TMEM135: variants seen among roughly 807,000 people sequenced by gnomAD.
TMEM135 encodes the protein peroxisomal membrane protein 52.
In TMEM135, 30 loss-of-function variants were observed where a neutral mutation model predicts 60.3. The ratio of observed to expected loss-of-function variants is 0.50; its 90% confidence interval spans 0.37 to 0.68. The LOEUF is 0.68. Among genes scored for constraint, TMEM135 ranks in the 30% least tolerant of loss-of-function variants. The pLI, the probability that TMEM135 is intolerant of heterozygous loss-of-function variation, is 0.00. For synonymous variants in TMEM135, 190 were observed against 186.7 expected, an observed-to-expected ratio of 1.02 and a Z score of -0.14; for missense variants, 468 against 548.8, an observed-to-expected ratio of 0.85 and a Z score of 1.47.
intron 6 of TMEM135, among the ~76,000 whole-genome samples, chr11:87,260,119 T>C: frequency 6.6e-6 from 1 of 152,208 alleles, no homozygotes. Flanking sequence ...TTGAGCTCTT[T>C]GGGCATGTTC....
chr11:87,067,560 A>G lies in TMEM135; in HGVS notation c.142-134A>G, dbSNP rs1234143668. 6 of 1,164,978 alleles carry G rather than the reference A, an allele frequency of 5.2e-6. No homozygotes were observed. In the Admixed American group the frequency reaches 6.6e-5, roughly 13 times the overall value. 72.2% of individuals were successfully genotyped at this position (1,164,978 alleles called of 1,614,324 possible). On this transcript the variant is annotated intron_variant, in intron 1 of 14. Coordinates refer to ENST00000305494, the MANE Select transcript of TMEM135 (RefSeq NM_022918.4). The stretch of plus-strand genomic sequence containing the variant: ...TCTATCCTGAACATTGTATTTTTAT[A>G]GAAGATCCAGTGAAATGCCAGCATT...
intron 3 of TMEM135, among the ~76,000 whole-genome samples, chr11:87,077,106 A>G (rs1004426465): frequency 4.6e-5 from 7 of 152,374 alleles, no homozygotes; most frequent in African/African-American, 1.7e-4. Context: ...ACTACCAAGG[A>G]TTGCCCTTGA....
intron 4 of TMEM135, chr11:87,121,176 C>T (rs1269397404): frequency 2.0e-5 from 3 of 152,190 alleles, no homozygotes; most frequent in Admixed American, 6.5e-5. Context: ...AGAGAATTCT[C>T]ACCTGAGGGA....
At chr11:87,072,628 G>T (rs1014876447) in intron 3 of TMEM135, among the ~76,000 whole-genome samples, 1 of 151,894 alleles carries the variant, frequency 6.6e-6, no homozygotes, top group Non-Finnish European at 1.5e-5. Context: ...TGATCCGCCC[G>T]CCTTGGCCTC....
At chr11:87,128,510 T>A (rs1937803393) in intron 4 of TMEM135, among the ~76,000 whole-genome samples, 1 of 152,168 alleles carries the variant, frequency 6.6e-6, no homozygotes, top group Admixed American at 6.5e-5. Flanking sequence ...GCTATATGTA[T>A]GGTACCATTA....
At chr11:87,224,813 G>A (rs1376874030) in intron 5 of TMEM135, among the ~76,000 whole-genome samples, 2 of 149,838 alleles carry the variant, frequency 1.3e-5, no homozygotes, top group African/African-American at 4.9e-5. Context: ...GCAGCATTAG[G>A]ATAAAGAATG....
At position 87,309,607 on chromosome 11, in the gene TMEM135, C is replaced by G. The variant is rs267603228; in HGVS notation, c.871C>G (p.Leu291Val). The G allele has an allele frequency of 1.9e-6, 3 of 1,613,776 alleles. No individual in the cohort carries two copies. Among genetic ancestry groups the G allele is most frequent in the African/African-American group, 1.3e-5 (1 of 74,922 alleles). The part of the protein sequence containing the change: ...LFTQPSRLLS[L>V]FYNKENFQLG... ...TACACAGCCATCTCGGCTACTTTCTCTCTTCTACAATAAAGAAAACTTCCA... is the reference window on the plus strand; with the variant it reads ...TACACAGCCATCTCGGCTACTTTCTGTCTTCTACAATAAAGAAAACTTCCA... Residue 291 changes from leucine (L) to valine (V), a missense_variant, in exon 10 of 15, where the codon CTC (leucine) becomes GTC (valine). By Grantham distance (32) the Leu-to-Val change is conservative. Coordinates refer to ENST00000305494, the MANE Select transcript of TMEM135 (RefSeq NM_022918.4).
chr11:87,193,368 A>G (rs1034007581), intron 5 of TMEM135, among the ~76,000 whole-genome samples: 6 of 152,236 alleles, frequency 3.9e-5, no homozygotes, highest in African/African-American at 1.4e-4. Flanking sequence ...AGATTAAGAT[A>G]CAGATTGTTA....
intron 5 of TMEM135, among the ~76,000 whole-genome samples, chr11:87,197,012 G>T (rs955993955): frequency 2.0e-5 from 3 of 151,610 alleles, no homozygotes; most frequent in Non-Finnish European, 4.4e-5. Flanking sequence ...TTCTCCTAAT[G>T]AAAAAAAATT....
chr11:87,222,660 T>C (rs1184643812), intron 5 of TMEM135, among the ~76,000 whole-genome samples: 1 of 150,014 alleles, frequency 6.7e-6, no homozygotes, highest in Non-Finnish European at 1.5e-5. Context: ...AAAAAATAGC[T>C]GGGTGTGGTG....
chr11:87,312,241 C>T (rs977123184), intron 10 of TMEM135, among the ~76,000 whole-genome samples: 2 of 149,480 alleles, frequency 1.3e-5, no homozygotes, highest in African/African-American at 2.5e-5. Context: ...TCTAGCTTCA[C>T]TATTGCCTTA....
chr11:87,316,059 G>A (rs901448522), intron 12 of TMEM135, among the ~76,000 whole-genome samples: 10 of 151,942 alleles, frequency 6.6e-5, no homozygotes, highest in Admixed American at 3.3e-4. Flanking sequence ...GTGGGAAATG[G>A]TATTTAAAGA....
chr11:87,263,495 G>A lies in TMEM135; in HGVS notation c.509+26811G>A, dbSNP rs374973612. Reference sequence around the variant, plus strand: ...GACTTCACTCATACTTTTACTCTAGGAACTGGTTGACATATTTGACATATG... The same window carrying A: ...GACTTCACTCATACTTTTACTCTAGAAACTGGTTGACATATTTGACATATG... On this transcript the variant is annotated intron_variant, in intron 6 of 14. Coordinates refer to ENST00000305494, the MANE Select transcript of TMEM135 (RefSeq NM_022918.4). Among the ~76,000 whole-genome samples the A allele has an allele frequency of 1.4e-4, 22 of 152,104 alleles. No individual in the cohort carries two copies. The South Asian group carries it at 4.1e-3, about 29-fold the overall frequency.
chr11:87,313,431 A>C lies in TMEM135; in HGVS notation c.943A>C (p.Ser315Arg). Residue 315 changes from serine (S) to arginine (R), a missense_variant, in exon 11 of 15, where the codon AGT (serine) becomes CGT (arginine). Transcript: ENST00000305494. ...GTATTTTCTCCTTAACTAGGGTACT[A>C]GTTGCTTCCTGCGCTGGATCAGAAA... ...GSFVSIYKGT[S>R]CFLRWIRNLD... 1 of 1,610,472 alleles carries C rather than the reference A, an allele frequency of 6.2e-7. No individual in the cohort carries two copies.
rs186171104 is a variant in TMEM135, at chr11:87,101,791, A to G, written c.396+10396A>G. ...GGAGTTCGAGACCAGCCTGACCAAC[A>G]TGGATAAACCCGTCTCTACTAAAAA... On this transcript the variant is annotated intron_variant, in intron 4 of 14. Coordinates refer to ENST00000305494, the MANE Select transcript of TMEM135 (RefSeq NM_022918.4). 5.5e-3 allele frequency among the ~76,000 whole-genome samples: 834 copies of G among 152,252 alleles called. 34 individuals carry two copies. Among genetic ancestry groups the G allele is most frequent in the Non-Finnish European group, 8.7e-4 (59 of 68,018 alleles).
At chr11:87,116,632 C>T (rs1565447707) in intron 4 of TMEM135, among the ~76,000 whole-genome samples, 2 of 128,900 alleles carry the variant, frequency 1.6e-5, no homozygotes, top group Non-Finnish European at 3.3e-5. Context: ...CACACACATA[C>T]ACACACACAC....
intron 7 of TMEM135, among the ~76,000 whole-genome samples, chr11:87,299,568 A>C (rs1386165308): frequency 6.6e-6 from 1 of 152,234 alleles, no homozygotes; most frequent in East Asian, 1.9e-4. Context: ...GGAGGTACAA[A>C]GCTAACATTC....
chr11:87,204,038 C>CT (rs931140378), intron 5 of TMEM135, among the ~76,000 whole-genome samples: 167 of 150,968 alleles, frequency 1.1e-3, no homozygotes, highest in African/African-American at 3.1e-3. Context: ...TAGAATTATC[C>CT]TTTTTTTTTC....
intron 4 of TMEM135, among the ~76,000 whole-genome samples, chr11:87,136,972 C>T (rs1938119535): frequency 6.6e-6 from 1 of 151,958 alleles, no homozygotes; most frequent in Admixed American, 6.6e-5. Flanking sequence ...GTGCAATGCT[C>T]TATAAACATC....
Sources: allele counts gnomAD v4.1 joint callset (sites outside exome capture counted in the v4.1 genomes callset), GRCh38; gene constraint gnomAD v4.1.1; transcripts MANE v1.5; gene names NCBI Gene and HGNC (gene_info 2026-07-23, HGNC 2026-07-21).